Variants in KCNN2 observed in about 807,000 individuals in gnomAD.
KCNN2 encodes the protein potassium calcium-activated channel subfamily N member 2.
In KCNN2, 24 loss-of-function variants were observed where a neutral mutation model predicts 55.5. The observed-to-expected ratio is 0.43, with a 90% CI of 0.31 to 0.61. The LOEUF is 0.61. Among genes scored for constraint, KCNN2 ranks in the 20% least tolerant of loss-of-function variants. The probability of loss-of-function intolerance (pLI) is 0.08; values close to 1 mark genes in which losing one functional copy is unlikely to be tolerated. For missense variants in KCNN2, 754 were observed against 853.6 expected, an observed-to-expected ratio of 0.88 and a Z score of 1.45; for synonymous variants, 431 against 336.1, an observed-to-expected ratio of 1.28 and a Z score of -3.09.
chr5:114,363,903 C>G lies in KCNN2; in HGVS notation c.1123-3C>G. On this transcript the variant is annotated splice_polypyrimidine_tract_variant and splice_region_variant and intron_variant, in intron 1 of 7. Transcript: ENST00000673685. ...AAAGTGCTTCTGTCTGACTGTGTTG[C>G]AGGCGTCGCTGTATTCCTTAGCTCT... 1 of 1,611,262 alleles carries G rather than the reference C, an allele frequency of 6.2e-7. No homozygotes were observed. The highest frequency in any genetic ancestry group is 8.5e-7 in the Non-Finnish European group (1 of 1,177,524).
intron 1 of KCNN2, among the ~76,000 whole-genome samples, chr5:114,063,468 A>G (rs1750374315): frequency 6.6e-6 from 1 of 152,200 alleles, no homozygotes; most frequent in African/African-American, 2.4e-5. Context: ...TCCCACTCCC[A>G]GAGATTCTGA....
chr5:114,269,137 A>T (rs1291358900), intron 2 of KCNN2, among the ~76,000 whole-genome samples: 1 of 152,124 alleles, frequency 6.6e-6, no homozygotes, highest in Non-Finnish European at 1.5e-5. Context: ...TTGCATTTAG[A>T]AAAGTCAAGT....
At chr5:114,124,255 G>C (rs1235214097) in intron 1 of KCNN2, among the ~76,000 whole-genome samples, 2 of 152,084 alleles carry the variant, frequency 1.3e-5, no homozygotes, top group Non-Finnish European at 2.9e-5. Context: ...AACCTTTAGG[G>C]GACTCTTCAT....
intron 3 of KCNN2, among the ~76,000 whole-genome samples, chr5:114,433,046 C>A (rs1436885475): frequency 6.6e-6 from 1 of 152,212 alleles, no homozygotes; most frequent in Non-Finnish European, 1.5e-5. Flanking sequence ...CCATCGACCA[C>A]CCAAGGGCTG....
intron 3 of KCNN2, 92 bp downstream of exon 3, chr5:114,404,948 TCTCA>T: frequency 8.9e-7 from 1 of 1,127,332 alleles, no homozygotes; most frequent in Non-Finnish European, 1.3e-6. Flanking sequence ...ACGTGTAGTG[TCTCA>T]CTCTTAAAAA....
At chr5:114,420,297 C>T (rs759750509) in intron 3 of KCNN2, among the ~76,000 whole-genome samples, 4 of 152,214 alleles carry the variant, frequency 2.6e-5, no homozygotes, top group African/African-American at 7.2e-5. Flanking sequence ...AGCATGTAAA[C>T]TGAGCTATGC....
rs57964939 is a variant in KCNN2, at chr5:114,074,310, G to A, written c.-271+17810G>A. Reference sequence around the variant, plus strand: ...CATGTTTGCGTGTGTGTGTGTGTGTGTGTGTGTGTGTGTGTGTGTGCGCGC... The same window carrying A: ...CATGTTTGCGTGTGTGTGTGTGTGTATGTGTGTGTGTGTGTGTGTGCGCGC... On this transcript the variant is annotated intron_variant, in intron 1 of 10. Transcript: ENST00000512097. 4.1e-3 allele frequency among the ~76,000 whole-genome samples: 564 copies of A among 139,190 alleles called. 4 individuals are homozygous for A. The highest frequency in any genetic ancestry group is 0.014 in the African/African-American group (497 of 34,810). The allele number at this position is 139,190 out of a possible 152,430, so 91.3% of individuals were successfully genotyped here. A position where few individuals can be genotyped will look rare whatever the true frequency, so the allele number is the denominator to read the frequency against.
chr5:114,270,631 C>A (rs1468673213), intron 2 of KCNN2, among the ~76,000 whole-genome samples: 2 of 152,068 alleles, frequency 1.3e-5, no homozygotes, highest in Non-Finnish European at 2.9e-5. Context: ...TGTTTATTTT[C>A]CTGTTTCATA....
intron 2 of KCNN2, among the ~76,000 whole-genome samples, chr5:114,267,787 A>G (rs1755239435): frequency 6.6e-6 from 1 of 152,202 alleles, no homozygotes; most frequent in South Asian, 2.1e-4. Context: ...GCTAATATTT[A>G]CAATATAGTC....
At chr5:114,399,930 G>GTTTTTTTTTTTTTTTTTTTTTTTTTT (rs35266559) in intron 2 of KCNN2, among the ~76,000 whole-genome samples, 1 of 129,866 alleles carries the variant, frequency 7.7e-6, no homozygotes, top group Non-Finnish European at 1.7e-5. Context: ...TTTTTTTTTT[G>GTTTTTTTTTTTTTTTTTTTTTTTTTT]TTTTTTTTTT....
At chr5:114,082,579 T>G (rs1750849683) in intron 1 of KCNN2, among the ~76,000 whole-genome samples, 1 of 152,192 alleles carries the variant, frequency 6.6e-6, no homozygotes, top group Non-Finnish European at 1.5e-5. Context: ...CCAGCAATTC[T>G]ACTTCTGGAT....
chr5:114,438,032 G>C (rs949568122), intron 3 of KCNN2, among the ~76,000 whole-genome samples: 5 of 152,072 alleles, frequency 3.3e-5, no homozygotes, highest in African/African-American at 1.2e-4. Flanking sequence ...ACACCAATCT[G>C]TTAATATAAT....
chr5:114,258,122 T>A (rs1329745878), intron 2 of KCNN2, among the ~76,000 whole-genome samples: 1 of 152,212 alleles, frequency 6.6e-6, no homozygotes, highest in Non-Finnish European at 1.5e-5. Context: ...TGTTTTTCAT[T>A]CTGTTTATGT....
chr5:114,126,456 TA>T (rs1406296213), intron 1 of KCNN2, among the ~76,000 whole-genome samples: 1 of 152,074 alleles, frequency 6.6e-6, no homozygotes, highest in African/African-American at 2.4e-5. Context: ...AAGCCCCTTA[TA>T]AAATCATCAG....
chr5:114,234,101 C>G (rs1469246383), intron 2 of KCNN2, among the ~76,000 whole-genome samples: 1 of 151,644 alleles, frequency 6.6e-6, no homozygotes, highest in Non-Finnish European at 1.5e-5. Flanking sequence ...TTATAACAGT[C>G]TCCTTTTATT....
chr5:114,318,590 TAAG>T lies in KCNN2; in HGVS notation c.-184-42352_-184-42350del, dbSNP rs1580718469. Among the ~76,000 whole-genome samples the T allele has an allele frequency of 3.3e-5, 5 of 151,314 alleles. No homozygotes were observed. In the East Asian group the frequency reaches 9.7e-4, roughly 29 times the overall value. ...TATCATAATGTAATTTTGTATTATA[TAAG>T]AATACATAATTGTATATGATAATTC... On this transcript the variant is annotated intron_variant, in intron 2 of 10. Transcript: ENST00000512097.
intron 1 of KCNN2, among the ~76,000 whole-genome samples, chr5:114,140,887 G>A (rs1166271454): frequency 6.6e-6 from 1 of 151,206 alleles, no homozygotes; most frequent in African/African-American, 2.4e-5. Flanking sequence ...CTCCCGGGTT[G>A]AATCAATTCT....
At chr5:114,061,623 G>T (rs144402656) in intron 1 of KCNN2, among the ~76,000 whole-genome samples, 4 of 152,032 alleles carry the variant, frequency 2.6e-5, no homozygotes, top group Non-Finnish European at 5.9e-5. Flanking sequence ...TCATTGCTTG[G>T]GTTTGATGGC....
intron 2 of KCNN2, among the ~76,000 whole-genome samples, chr5:114,297,253 G>A (rs1018739369): frequency 1.3e-5 from 2 of 152,130 alleles, no homozygotes; most frequent in Non-Finnish European, 2.9e-5. Flanking sequence ...AGGAGTTGGA[G>A]GTTACAGTGA....
Sources: allele counts gnomAD v4.1 joint callset (sites outside exome capture counted in the v4.1 genomes callset), GRCh38; gene constraint gnomAD v4.1.1; transcripts MANE v1.5; gene names NCBI Gene and HGNC (gene_info 2026-07-23, HGNC 2026-07-21).